Variants in NRXN2 observed in about 807,000 individuals in gnomAD.
NRXN2 encodes neurexin 2.
In NRXN2, 29 loss-of-function variants were observed where a neutral mutation model predicts 128.8. The observed-to-expected ratio is 0.23, with a 90% CI of 0.17 to 0.31. The LOEUF (loss-of-function observed/expected upper bound fraction) is 0.31. Ranked by LOEUF, NRXN2 falls within the 10% of genes least tolerant of loss-of-function variation. The pLI, the probability that NRXN2 is intolerant of heterozygous loss-of-function variation, is 1.00. For missense variants in NRXN2, 1,881 were observed against 2,452.6 expected, an observed-to-expected ratio of 0.77 and a Z score of 4.92; for synonymous variants, 1,098 against 1,075.2, an observed-to-expected ratio of 1.02 and a Z score of -0.41.
intron 18 of NRXN2, among the ~76,000 whole-genome samples, chr11:64,633,869 G>A (rs116168440): frequency 1.3e-5 from 2 of 151,840 alleles, no homozygotes; most frequent in East Asian, 3.9e-4. Flanking sequence ...GCCTCTTCTT[G>A]GGCCTGACTA....
chr11:64,693,775 C>T (rs2054152088), intron 3 of NRXN2, among the ~76,000 whole-genome samples: 1 of 152,112 alleles, frequency 6.6e-6, no homozygotes, highest in African/African-American at 2.4e-5. Flanking sequence ...TCAGAGCTCT[C>T]AGACAGCAAG....
chr11:64,675,904 C>T (rs1259123018), intron 7 of NRXN2: 1 of 154,220 alleles, frequency 6.5e-6, no homozygotes, highest in Non-Finnish European at 1.5e-5. Flanking sequence ...AATGTCACGC[C>T]AACATTTACA....
intron 7 of NRXN2, 60 bp downstream of exon 7, chr11:64,676,932 AT>A (rs1171842794): frequency 3.3e-5 from 46 of 1,377,008 alleles, no homozygotes; most frequent in Non-Finnish European, 4.3e-5. Flanking sequence ...AAGAGGGAGA[AT>A]CGAACAGTTA....
chr11:64,689,243 AT>A (rs36122114), intron 5 of NRXN2, among the ~76,000 whole-genome samples: 17,368 of 144,310 alleles, frequency 0.12, 1,265 homozygotes, highest in East Asian at 0.19. Flanking sequence ...TTTCTCAATG[AT>A]TTTTTTTTTT....
intron 9 of NRXN2, among the ~76,000 whole-genome samples, chr11:64,664,934 G>A (rs1265434621): frequency 1.3e-5 from 2 of 148,960 alleles, no homozygotes; most frequent in Non-Finnish European, 1.5e-5. Context: ...AGGTTGCAGT[G>A]AGCTGAGATC....
Position 64,713,324 on chromosome 11 carries a change from G to T in NRXN2, c.376C>A (p.Leu126Met), listed in dbSNP as rs370521049. 3.7e-5 allele frequency: 51 copies of T among 1,370,992 alleles called. No individual in the cohort carries two copies. The highest frequency in any genetic ancestry group is 4.5e-5 in the Non-Finnish European group (48 of 1,070,076). The allele number at this position is 1,370,992 out of a possible 1,614,324, so 84.9% of individuals were successfully genotyped here. The change falls in exon 2 of 23, where the codon CTG becomes ATG. Residue 126 changes from leucine to methionine, a missense_variant. Physicochemically the swap from Leu to Met is conservative, Grantham distance 15 (BLOSUM62 2). Around this residue, in one of 7 missense-constraint regions of NRXN2, gnomAD observed 997 missense variants for 1,240.8 expected, o/e 0.80. Transcript: ENST00000265459. ...GCGCGGGCCTCGCCGTCCACCGCCA[G>T]CGCCGTGCGGCGCGCGTCGCGGGTC... is the stretch of plus-strand genomic sequence containing the variant. ...LLTRDARRTA[L>M]AVDGEARAAE...
chr11:64,712,338 C>A (rs1485759734), intron 2 of NRXN2, among the ~76,000 whole-genome samples: 1 of 151,576 alleles, frequency 6.6e-6, no homozygotes, highest in Non-Finnish European at 1.5e-5. Flanking sequence ...TAGGCCCTCA[C>A]GGTCTCACAC....
At chr11:64,664,478 CAA>C (rs11378464) in intron 9 of NRXN2, among the ~76,000 whole-genome samples, 24 of 98,612 alleles carry the variant, frequency 2.4e-4, no homozygotes, top group Admixed American at 6.9e-4. Context: ...AACTCCGTGT[CAA>C]AAAAAAAAAA....
intron 1 of NRXN2, among the ~76,000 whole-genome samples, chr11:64,722,013 C>T (rs2057446092): frequency 6.6e-6 from 1 of 152,102 alleles, no homozygotes; most frequent in African/African-American, 2.4e-5. Flanking sequence ...AAGGAGACAA[C>T]AGCACCCCAA....
intron 6 of NRXN2, 101 bp downstream of exon 6, chr11:64,685,545 A>T: frequency 6.7e-7 from 1 of 1,481,816 alleles, no homozygotes; most frequent in Middle Eastern, 2.3e-4. Context: ...CTCACTGCCC[A>T]GCCCTGATCC....
At chr11:64,642,810 C>G in intron 17 of NRXN2, 1 of 1,126,868 alleles carries the variant, frequency 8.9e-7, no homozygotes, top group Non-Finnish European at 1.1e-6. Flanking sequence ...GCATTTCGGC[C>G]CGGGGGCGAC....
chr11:64,612,268 G>A (rs1171241902), intron 22 of NRXN2, among the ~76,000 whole-genome samples: 1 of 152,128 alleles, frequency 6.6e-6, no homozygotes. Flanking sequence ...CGTGCTGCTG[G>A]GTTTTGTGGG....
intron 6 of NRXN2, among the ~76,000 whole-genome samples, chr11:64,678,730 A>G (rs2051719096): frequency 6.6e-6 from 1 of 152,106 alleles, no homozygotes; most frequent in Admixed American, 6.5e-5. Flanking sequence ...TTTAATTAAG[A>G]GTATTAGAGA....
chr11:64,632,472 G>GATC lies in NRXN2; in HGVS notation c.3586-1902_3586-1900dup, dbSNP rs1401562564. Among the ~76,000 whole-genome samples the GATC allele has an allele frequency of 2.0e-5, 3 of 152,154 alleles. No homozygotes were observed. Among genetic ancestry groups the GATC allele is most frequent in the African/African-American group, 7.2e-5 (3 of 41,422 alleles). Reference sequence around the variant, plus strand: ...TCCCCACACACGGGAAGGAACAGTCGATCCTCCTCGGTACTATTGTTAGTA... The same window carrying GATC: ...TCCCCACACACGGGAAGGAACAGTCGATCATCCTCCTCGGTACTATTGTTAGTA... On this transcript the variant is annotated intron_variant, in intron 18 of 22. Transcript: ENST00000265459. This position sits in a 1 kb window ranked among gnomAD's most constrained non-coding sequence, Gnocchi z 4.2.
Position 64,607,673 on chromosome 11 carries a change from G to A in NRXN2, c.4662C>T (p.Ser1554=), listed in dbSNP as rs1287326996. ...TGAPGVLFAP[S]APAPNLPAGK... ...CCGCCGGCAGGTTGGGGGCCGGGGCGGAGGGGGCAAACAGCACCCCAGGGG... is the reference window on the plus strand; with the variant it reads ...CCGCCGGCAGGTTGGGGGCCGGGGCAGAGGGGGCAAACAGCACCCCAGGGG... Residue 1554 remains serine (S), a synonymous_variant, in exon 23 of 23, where the codon TCC becomes TCT. Coordinates refer to ENST00000265459, the MANE Select transcript of NRXN2 (RefSeq NM_015080.4). 22 of 1,531,766 alleles carry A rather than the reference G, an allele frequency of 1.4e-5. No individual in the cohort carries two copies. The highest frequency in any genetic ancestry group is 6.0e-5 in the Admixed American group (3 of 49,662). The allele number at this position is 1,531,766 out of a possible 1,614,324, so 94.9% of individuals were successfully genotyped here.
Position 64,617,748 on chromosome 11 carries a change from G to A in NRXN2, c.4252+2546C>T, listed in dbSNP as rs185504916. Among the ~76,000 whole-genome samples the A allele has an allele frequency of 5.2e-3, 788 of 152,262 alleles. 5 individuals are homozygous for A. Among genetic ancestry groups the A allele is most frequent in the African/African-American group, 0.018 (742 of 41,540 alleles). On this transcript the variant is annotated intron_variant, in intron 22 of 22. Coordinates refer to ENST00000265459, the MANE Select transcript of NRXN2 (RefSeq NM_015080.4). The stretch of plus-strand genomic sequence containing the variant: ...TTTGGGCCTGGGAGAGGCTCTGGGC[G>A]GCATGGCATGGTCTACACGAGACTG...
intron 2 of NRXN2, among the ~76,000 whole-genome samples, chr11:64,706,081 AT>A (rs1250188997): frequency 8.4e-5 from 7 of 83,832 alleles, no homozygotes; most frequent in African/African-American, 3.6e-4. Flanking sequence ...TATATATAAT[AT>A]ATATAATATA....
At chr11:64,625,540 T>C (rs1384604638) in intron 20 of NRXN2, among the ~76,000 whole-genome samples, 2 of 152,192 alleles carry the variant, frequency 1.3e-5, no homozygotes, top group African/African-American at 4.8e-5. Context: ...GGGGTTTTAG[T>C]TGGGGAAGGC....
rs192893788 is a variant in NRXN2 at position 64,714,613 on chromosome 11, C to T, written c.-244-670G>A. Among the ~76,000 whole-genome samples, 69 of 152,218 alleles carry T rather than the reference C, an allele frequency of 4.5e-4. No individual in the cohort carries two copies. The highest frequency in any genetic ancestry group is 5.9e-5 in the Non-Finnish European group (4 of 68,020). ...ACGCTCACCCCTTCCCAGGCCCCAG[C>T]CTCACTGCTTACCAACCCAGGTCCT... On this transcript the variant is annotated intron_variant, in intron 1 of 22. Coordinates refer to ENST00000265459, the MANE Select transcript of NRXN2 (RefSeq NM_015080.4). This position sits in a 1 kb window ranked among gnomAD's most constrained non-coding sequence, Gnocchi z 4.5.
Sources: gnomAD v4.1 joint callset for allele counts (sites outside exome capture counted in the v4.1 genomes callset) on GRCh38, gnomAD v4.1.1 for gene constraint, gnomAD v4.1.1 regional missense constraint, Gnocchi (gnomAD v3.1) non-coding constraint, MANE v1.5 for transcripts, NCBI Gene and HGNC (gene_info 2026-07-23, HGNC 2026-07-21) for gene names.